The following SLC25A24 variants were observed in gnomAD, a reference collection of about 807,000 sequenced individuals.
SLC25A24 encodes solute carrier family 25 member 24, also known as mitochondrial adenyl nucleotide antiporter SLC25A24.
SLC25A24 carries 49 observed loss-of-function variants against 60.7 expected under a neutral mutation model. The ratio of observed to expected loss-of-function variants is 0.81; its 90% CI spans 0.64 to 1.02. SLC25A24 has a LOEUF of 1.02. SLC25A24 is among the 50% of genes least tolerant of loss of function. SLC25A24 has a pLI of 0.00. For synonymous variants in SLC25A24, 202 were observed against 200.6 expected, an observed-to-expected ratio of 1.01 and a Z score of -0.06; for missense variants, 564 against 586.3, an observed-to-expected ratio of 0.96 and a Z score of 0.39.
Position 108,185,910 on chromosome 1 carries a change from A to C in SLC25A24, c.228T>G (p.Asp76Glu), listed in dbSNP as rs1237450469. The change falls in exon 2 of 10, where the codon GAT becomes GAG. Residue 76 changes from aspartate (D) to glutamate (E), a missense_variant. Physicochemically the swap from Asp to Glu is conservative, Grantham distance 45. Coordinates refer to ENST00000565488, the MANE Select transcript of SLC25A24 (RefSeq NM_013386.5). ...TAAGGTACTTCATAAATTCTTCAAAATCCAGCTTCCCATCTTTGTTGACAT... is the reference window on the plus strand; with the variant it reads ...TAAGGTACTTCATAAATTCTTCAAACTCCAGCTTCCCATCTTTGTTGACAT... ...TGDVNKDGKL[D>E]FEEFMKYLKD... 4 of 1,598,988 alleles carry C rather than the reference A, an allele frequency of 2.5e-6. No homozygotes were observed. Among genetic ancestry groups the C allele is most frequent in the African/African-American group, 2.7e-5 (2 of 74,422 alleles).
chr1:108,196,830 A>C (rs1648513593), intron 1 of SLC25A24, among the ~76,000 whole-genome samples: 3 of 152,208 alleles, frequency 2.0e-5, no homozygotes, highest in African/African-American at 7.2e-5. Context: ...TGGGGGTAGA[A>C]GGAGGAAGAC....
intron 3 of SLC25A24, among the ~76,000 whole-genome samples, chr1:108,167,766 C>CT (rs1647256340): frequency 6.6e-6 from 1 of 152,198 alleles, no homozygotes; most frequent in Non-Finnish European, 1.5e-5. Context: ...GTCGCTCACG[C>CT]TGGGAGCTGT....
chr1:108,192,261 A>G lies in SLC25A24; in HGVS notation c.184-6307T>C, dbSNP rs1417615632. ...GGCTGTATGTAGCCAACATCTTGAG[A>G]GCAATCTGAAGTTGGAGATTTTACT... On this transcript the variant is annotated intron_variant, in intron 1 of 9. Coordinates refer to ENST00000565488, the MANE Select transcript of SLC25A24 (RefSeq NM_013386.5). Among the ~76,000 whole-genome samples, 2 of 139,494 alleles carry G rather than the reference A, an allele frequency of 1.4e-5. 1 individual carries two copies. Among genetic ancestry groups the G allele is most frequent in the Non-Finnish European group, 3.1e-5 (2 of 63,742 alleles). 91.5% of individuals were successfully genotyped at this position (139,494 alleles called of 152,430 possible).
chr1:108,189,004 G>A (rs1363438573), intron 1 of SLC25A24, among the ~76,000 whole-genome samples: 2 of 152,160 alleles, frequency 1.3e-5, no homozygotes, highest in African/African-American at 4.8e-5. Flanking sequence ...TCTTACAAGT[G>A]GAGAGATTTT....
At chr1:108,157,677 CG>C in intron 4 of SLC25A24, 57 bp from the exon 5 acceptor site, 2 of 1,562,810 alleles carry the variant, frequency 1.3e-6, no homozygotes, top group East Asian at 4.5e-5. Context: ...TCCCAGAAGA[CG>C]TTTTGTTTTA....
chr1:108,182,935 C>T (rs570816748), intron 2 of SLC25A24, among the ~76,000 whole-genome samples: 44 of 151,870 alleles, frequency 2.9e-4, no homozygotes, highest in Non-Finnish European at 5.4e-4. Flanking sequence ...GAAATTAGAG[C>T]GTGTTTGTGG....
chr1:108,187,892 A>C (rs1648188276), intron 1 of SLC25A24, among the ~76,000 whole-genome samples: 1 of 137,318 alleles, frequency 7.3e-6, no homozygotes, highest in African/African-American at 2.8e-5. Flanking sequence ...TAGCAAATCA[A>C]ATCTCATAAT....
At chr1:108,174,004 A>G (rs1257183321) in intron 3 of SLC25A24, among the ~76,000 whole-genome samples, 3 of 152,196 alleles carry the variant, frequency 2.0e-5, no homozygotes, top group African/African-American at 7.2e-5. Flanking sequence ...GCAGAGGACA[A>G]AAGTTTGTCA....
At chr1:108,192,891 G>A in intron 1 of SLC25A24, 1 of 651,896 alleles carries the variant, frequency 1.5e-6, no homozygotes, top group Non-Finnish European at 2.0e-6. Flanking sequence ...GGGAGACCGC[G>A]GAGTTCCTGC....
chr1:108,190,998 A>G (rs775554167), intron 1 of SLC25A24, among the ~76,000 whole-genome samples: 1 of 140,212 alleles, frequency 7.1e-6, no homozygotes, highest in Non-Finnish European at 1.6e-5. Context: ...ATAAGGAAGA[A>G]ATGTGTTTCA....
intron 1 of SLC25A24, among the ~76,000 whole-genome samples, chr1:108,189,822 A>G (rs2101645234): frequency 6.6e-6 from 1 of 150,714 alleles, no homozygotes; most frequent in South Asian, 2.1e-4. Context: ...CTCAAAAAAA[A>G]AAAAAAGAGC....
At chr1:108,180,357 T>A in intron 3 of SLC25A24, among the ~76,000 whole-genome samples, 1 of 149,986 alleles carries the variant, frequency 6.7e-6, no homozygotes, top group East Asian at 1.9e-4. Flanking sequence ...AGAGCTAGAC[T>A]CCATCTCAAA....
At chr1:108,161,129 T>C in intron 4 of SLC25A24, 53 bp downstream of exon 4, 1 of 995,352 alleles carries the variant, frequency 1.0e-6, no homozygotes, top group East Asian at 2.4e-5. Flanking sequence ...GGGTGATAAC[T>C]GTACCTATGG....
chr1:108,184,751 C>A (rs565746825), intron 2 of SLC25A24, among the ~76,000 whole-genome samples: 2 of 152,264 alleles, frequency 1.3e-5, no homozygotes, highest in East Asian at 1.9e-4. Flanking sequence ...CAACTGAGAC[C>A]ACATGACCCA....
intron 8 of SLC25A24, among the ~76,000 whole-genome samples, chr1:108,140,721 C>T (rs938519245): frequency 6.6e-6 from 1 of 150,954 alleles, no homozygotes; most frequent in Non-Finnish European, 1.5e-5. Flanking sequence ...GTTGCTATAA[C>T]TTTAGTATGC....
intron 8 of SLC25A24, among the ~76,000 whole-genome samples, chr1:108,140,480 T>G (rs1679415156): frequency 6.6e-6 from 1 of 152,094 alleles, no homozygotes; most frequent in Non-Finnish European, 1.5e-5. Flanking sequence ...ATTTAGAATA[T>G]TATAAAATCC....
At chr1:108,160,379 C>A (rs946339902) in intron 4 of SLC25A24, among the ~76,000 whole-genome samples, 14 of 151,058 alleles carry the variant, frequency 9.3e-5, no homozygotes, top group African/African-American at 3.4e-4. Context: ...AGGGGCTCCT[C>A]ACATCCCAGA....
chr1:108,168,556 T>C lies in SLC25A24; in HGVS notation c.399-7263A>G, dbSNP rs539460983. The stretch of plus-strand genomic sequence containing the variant: ...GTATTGACAAACTTCCTAGATAAGA[T>C]AGTCTTGCTGTGGGTATAACTTGCA... On this transcript the variant is annotated intron_variant, in intron 3 of 9. Transcript: ENST00000565488. 6.6e-5 allele frequency among the ~76,000 whole-genome samples: 10 copies of C among 152,324 alleles called. No individual in the cohort carries two copies. In the South Asian group the frequency reaches 2.1e-3, roughly 32 times the overall value.
At chr1:108,177,889 G>A (rs1402273020) in intron 3 of SLC25A24, among the ~76,000 whole-genome samples, 1 of 152,148 alleles carries the variant, frequency 6.6e-6, no homozygotes, top group Admixed American at 6.5e-5. Flanking sequence ...CATTGGCCAG[G>A]GGTGGTGGCT....
Sources: gnomAD v4.1 joint callset for allele counts (sites outside exome capture counted in the v4.1 genomes callset) on GRCh38, gnomAD v4.1.1 for gene constraint, MANE v1.5 for transcripts, NCBI Gene and HGNC (gene_info 2026-07-23, HGNC 2026-07-21) for gene names.